The following KALRN variants were observed in gnomAD, a reference collection of about 807,000 sequenced individuals.
KALRN encodes the protein kalirin RhoGEF kinase, also known as kalirin.
Under a neutral mutation model 353.7 loss-of-function variants are expected in KALRN, and 70 were observed. The ratio of observed to expected loss-of-function variants is 0.20; its 90% CI spans 0.16 to 0.24. KALRN has a LOEUF of 0.24. KALRN is among the 10% of genes least tolerant of loss of function. KALRN has a pLI of 1.00. For missense variants in KALRN, 2,791 were observed against 3,756.7 expected (o/e 0.74, Z 6.72); for synonymous variants, 1,391 against 1,434.8 (o/e 0.97, Z 0.69).
intron 1 of KALRN, among the ~76,000 whole-genome samples, chr3:124,189,935 CAAAAA>C (rs1218193851): frequency 4.3e-5 from 3 of 69,454 alleles, no homozygotes; most frequent in Non-Finnish European, 9.3e-5. Context: ...AAGACTCTGT[CAAAAA>C]AAAAAAAAAA....
rs2063346207 is a variant in KALRN, at chr3:124,721,059, G to C, written c.*1589G>C. ...AAGTGCAAGAAGAGAATTTATGAAG[G>C]ATGAATAGAACTACAAACCTATCTA... On this transcript the variant is annotated 3_prime_UTR_variant, in exon 60 of 60. Transcript: ENST00000682506. 6.6e-6 allele frequency: 1 copy of C among 152,154 alleles called. No homozygotes were observed. Among genetic ancestry groups the C allele is most frequent in the Admixed American group, 6.6e-5 (1 of 15,260 alleles). 9.4% of individuals were successfully genotyped at this position (152,154 alleles called of 1,614,324 possible). A position where few individuals can be genotyped will look rare whatever the true frequency, so the allele number is the denominator to read the frequency against.
intron 3 of KALRN, among the ~76,000 whole-genome samples, chr3:124,242,846 A>G (rs2080657652): frequency 6.6e-6 from 1 of 152,250 alleles, no homozygotes; most frequent in Admixed American, 6.5e-5. Flanking sequence ...GTTTGTGTTC[A>G]GTTTTAGATG....
At chr3:124,567,057 G>T (rs2109980173) in intron 34 of KALRN, among the ~76,000 whole-genome samples, 1 of 152,308 alleles carries the variant, frequency 6.6e-6, no homozygotes, top group Admixed American at 6.5e-5. Flanking sequence ...TGATCCACTA[G>T]CACAGGGTTC....
At chr3:124,116,939 G>A (rs2063511090) in intron 1 of KALRN, among the ~76,000 whole-genome samples, 2 of 152,200 alleles carry the variant, frequency 1.3e-5, no homozygotes, top group South Asian at 2.1e-4. Flanking sequence ...ATGTTGGACT[G>A]TTCAGTAACA....
At chr3:124,556,960 A>C (rs902114126) in intron 33 of KALRN, among the ~76,000 whole-genome samples, 1 of 152,216 alleles carries the variant, frequency 6.6e-6, no homozygotes, top group Non-Finnish European at 1.5e-5. Flanking sequence ...TACTTTATAT[A>C]AGTATTTAAG....
At chr3:124,623,258 C>G (rs755337692) in intron 34 of KALRN, among the ~76,000 whole-genome samples, 12 of 151,656 alleles carry the variant, frequency 7.9e-5, no homozygotes, top group Non-Finnish European at 1.3e-4. Context: ...ATTACAATCC[C>G]AAAGTGCTGG....
rs185813528 is a variant in KALRN at position 124,141,188 on chromosome 3, G to A, written c.74-86802G>A. On this transcript the variant is annotated intron_variant, in intron 1 of 59. Transcript: ENST00000682506. ...GACTCTCTTCATCCCATGCCTAATA[G>A]CTCCTTCCCTGGCTTTCTGAACCCT... Among the ~76,000 whole-genome samples the A allele has an allele frequency of 1.8e-3, 268 of 152,182 alleles. 1 individual carries two copies. The highest frequency in any genetic ancestry group is 6.3e-3 in the African/African-American group (262 of 41,510).
intron 33 of KALRN, among the ~76,000 whole-genome samples, chr3:124,548,410 T>A (rs1328884814): frequency 6.6e-6 from 1 of 152,212 alleles, no homozygotes; most frequent in Non-Finnish European, 1.5e-5. Flanking sequence ...AATATTCTAA[T>A]GGGACCTACA....
intron 1 of KALRN, among the ~76,000 whole-genome samples, chr3:124,118,674 G>T (rs1276067789): frequency 6.6e-6 from 1 of 152,130 alleles, no homozygotes; most frequent in African/African-American, 2.4e-5. Flanking sequence ...AATAGTCATT[G>T]CACTCTAAAA....
At chr3:124,335,450 C>T (rs1474013121) in intron 9 of KALRN, among the ~76,000 whole-genome samples, 1 of 152,086 alleles carries the variant, frequency 6.6e-6, no homozygotes, top group Non-Finnish European at 1.5e-5. Context: ...CACAAAAGGA[C>T]AATCTTGCTA....
chr3:124,324,991 C>A (rs146303837), intron 6 of KALRN, among the ~76,000 whole-genome samples: 1 of 152,166 alleles, frequency 6.6e-6, no homozygotes, highest in African/African-American at 2.4e-5. Flanking sequence ...CACAACCTTA[C>A]CTGATTGTTT....
Position 124,334,575 on chromosome 3 carries a change from G to T in KALRN, c.1647+80G>T, listed in dbSNP as rs2080930000. On this transcript the variant is annotated intron_variant, in intron 9 of 59. Transcript: ENST00000682506. This position sits in a 1 kb window ranked among gnomAD's most constrained non-coding sequence, Gnocchi z 4.2. ...TCAAGTCCCTGACCTAGGTGATCAG[G>T]CTTAGGAGAGCCCAGATTTATAGAA... 29 of 896,710 alleles carry T rather than the reference G, an allele frequency of 3.2e-5. No individual in the cohort carries two copies. The highest frequency in any genetic ancestry group is 4.5e-5 in the Non-Finnish European group (26 of 578,068). 55.5% of individuals were successfully genotyped at this position (896,710 alleles called of 1,614,324 possible).
At chr3:124,492,516 G>T (rs192417726) in intron 31 of KALRN, among the ~76,000 whole-genome samples, 4 of 152,180 alleles carry the variant, frequency 2.6e-5, no homozygotes, top group Non-Finnish European at 5.9e-5. Context: ...AGTTACTCCC[G>T]TACAAGTAAT....
At chr3:124,299,954 T>C (rs890245159) in intron 6 of KALRN, among the ~76,000 whole-genome samples, 1 of 152,174 alleles carries the variant, frequency 6.6e-6, no homozygotes, top group Admixed American at 6.5e-5. Context: ...ACTTGAATTA[T>C]TGGTCCAGAA....
chr3:124,143,268 C>G (rs1261285364), intron 1 of KALRN, among the ~76,000 whole-genome samples: 5 of 152,276 alleles, frequency 3.3e-5, no homozygotes, highest in African/African-American at 1.2e-4. Flanking sequence ...TTCTTCATAT[C>G]TCACTGTCAT....
chr3:124,674,109 C>A (rs1349708063), intron 48 of KALRN, among the ~76,000 whole-genome samples: 1 of 152,088 alleles, frequency 6.6e-6, no homozygotes, highest in Non-Finnish European at 1.5e-5. Flanking sequence ...GCTTCCAGGT[C>A]AAAGGCGTGT....
At chr3:124,517,982 T>C (rs1867647) in intron 33 of KALRN, among the ~76,000 whole-genome samples, 83,811 of 152,100 alleles carry the variant, frequency 0.55, 24,275 homozygotes, top group African/African-American at 0.73. Flanking sequence ...GTCACTAGGA[T>C]CTCACATTTA....
At chr3:124,632,299 A>G (rs2080871632) in intron 34 of KALRN, 121 bp from the exon 35 acceptor site, 1 of 918,150 alleles carries the variant, frequency 1.1e-6, no homozygotes, top group East Asian at 2.4e-5. Flanking sequence ...ACTGGGGTCT[A>G]CAGCTGGCCT....
At chr3:124,110,725 G>C (rs748755427) in intron 1 of KALRN, among the ~76,000 whole-genome samples, 1 of 152,064 alleles carries the variant, frequency 6.6e-6, no homozygotes, top group Non-Finnish European at 1.5e-5. Context: ...AGATTCCTTC[G>C]ACCTAGGTTG....
Sources: allele counts gnomAD v4.1 joint callset (sites outside exome capture counted in the v4.1 genomes callset), GRCh38; gene constraint gnomAD v4.1.1; non-coding constraint Gnocchi (gnomAD v3.1); transcripts MANE v1.5; gene names NCBI Gene and HGNC (gene_info 2026-07-23, HGNC 2026-07-21).